NEXN: variants seen among roughly 807,000 people sequenced by gnomAD.
NEXN encodes nexilin F-actin binding protein.
A neutral mutation model predicts 92.6 loss-of-function variants in NEXN; 65 were observed. The observed-to-expected ratio is 0.70, with a 90% CI of 0.57 to 0.86. The LOEUF is 0.86. NEXN is among the 40% of genes least tolerant of loss of function. The pLI, the probability that NEXN is intolerant of heterozygous loss-of-function variation, is 0.00. For synonymous variants in NEXN, 254 were observed against 242.5 expected (o/e 1.05, Z -0.44); for missense variants, 778 against 771.1 (o/e 1.01, Z -0.11).
intron 6 of NEXN, 119 bp from the exon 7 acceptor site, chr1:77,926,294 AT>A (rs746954586): frequency 2.3e-5 from 15 of 654,234 alleles, no homozygotes; most frequent in Non-Finnish European, 3.5e-5. Context: ...CTGTAAAAAA[AT>A]GTTCTTCATA....
At chr1:77,918,335 C>A in intron 5 of NEXN, 62 bp downstream of exon 5, 1 of 1,494,636 alleles carries the variant, frequency 6.7e-7, no homozygotes, top group Non-Finnish European at 9.3e-7. Context: ...TAAAACTAAT[C>A]AGTATGTTGC....
chr1:77,920,974 T>C (rs1649376636), intron 5 of NEXN, among the ~76,000 whole-genome samples: 1 of 152,230 alleles, frequency 6.6e-6, no homozygotes, highest in African/African-American at 2.4e-5. Flanking sequence ...GTGAATATAC[T>C]GACACCATGG....
intron 6 of NEXN, 147 bp downstream of exon 6, chr1:77,925,376 A>G: frequency 1.5e-6 from 1 of 688,920 alleles, no homozygotes; most frequent in Non-Finnish European, 2.5e-6. Flanking sequence ...GCAAAGCAAG[A>G]GCATACTTTT....
intron 9 of NEXN, among the ~76,000 whole-genome samples, chr1:77,931,412 CAAAAAAAAAAAAAAAAAA>C (rs138490881): frequency 5.2e-5 from 3 of 57,568 alleles, no homozygotes; most frequent in African/African-American, 7.4e-5. Context: ...GACTCCGTCT[CAAAAAAAAAAAAAAAAAA>C]AAAAAAAAAA....
At chr1:77,934,012 T>TTTTTAA (rs1491326561) in intron 10 of NEXN, among the ~76,000 whole-genome samples, 1 of 4,270 alleles carries the variant, frequency 2.3e-4, no homozygotes, top group Non-Finnish European at 6.9e-4. Context: ...TAATTTTTAA[T>TTTTTAA]TTTTTTTTTT....
intron 1 of NEXN, among the ~76,000 whole-genome samples, chr1:77,892,975 T>A (rs1294821510): frequency 6.6e-6 from 1 of 151,752 alleles, no homozygotes; most frequent in Non-Finnish European, 1.5e-5. Context: ...CAAGTGATCC[T>A]CCTACCTCAG....
intron 1 of NEXN, among the ~76,000 whole-genome samples, chr1:77,892,909 C>T (rs1034444412): frequency 2.6e-5 from 4 of 151,330 alleles, no homozygotes; most frequent in African/African-American, 9.7e-5. Context: ...CTTTGTCACC[C>T]AGGCTAGAGT....
intron 1 of NEXN, among the ~76,000 whole-genome samples, chr1:77,900,476 G>A (rs534344657): frequency 2.8e-4 from 42 of 151,890 alleles, no homozygotes; most frequent in Non-Finnish European, 5.3e-4. Flanking sequence ...TATTTGTTTC[G>A]TATCCCATTG....
At chr1:77,934,301 G>A (rs997600414) in intron 10 of NEXN, among the ~76,000 whole-genome samples, 3 of 152,054 alleles carry the variant, frequency 2.0e-5, no homozygotes, top group South Asian at 4.2e-4. Context: ...ATGAGCCACC[G>A]CACCCGGCCT....
intron 1 of NEXN, among the ~76,000 whole-genome samples, chr1:77,894,079 C>T (rs1301876572): frequency 2.0e-5 from 3 of 152,022 alleles, no homozygotes; most frequent in Non-Finnish European, 2.9e-5. Flanking sequence ...CCACGTTGGC[C>T]TCCCAAAGTG....
chr1:77,926,953 G>T, intron 8 of NEXN, 61 bp downstream of exon 8: 1 of 1,587,976 alleles, frequency 6.3e-7, no homozygotes, highest in Non-Finnish European at 8.6e-7. Context: ...CTTAAGATAA[G>T]GTTTACTACT....
chr1:77,927,704 TA>T (rs1649974727), intron 8 of NEXN, among the ~76,000 whole-genome samples: 1 of 152,054 alleles, frequency 6.6e-6, no homozygotes, highest in Non-Finnish European at 1.5e-5. Context: ...ACTAACTGTG[TA>T]ACCATGGACA....
chr1:77,942,487 A>C lies in NEXN; in HGVS notation c.1686A>C (p.Glu562Asp). The C allele has an allele frequency of 6.2e-7, 1 of 1,613,912 alleles. No individual in the cohort carries two copies. Reference protein sequence around the residue: ...QKKREEEEEEEGSIMNGSTAE... With the variant: ...QKKREEEEEEDGSIMNGSTAE... ...AAAGAGAAGAGGAGGAGGAGGAAGA[A>C]GGTAGCATCATGAATGGCTCCACTG... The change falls in exon 13 of 13, where the codon GAA becomes GAC. Residue 562 changes from glutamate (E) to aspartate (D), a missense_variant. By Grantham distance (45) the Glu-to-Asp change is conservative. Transcript: ENST00000334785.
chr1:77,923,787 C>A (rs1649631132), intron 5 of NEXN, among the ~76,000 whole-genome samples: 1 of 151,130 alleles, frequency 6.6e-6, no homozygotes, highest in East Asian at 2.0e-4. Flanking sequence ...ACACGATTCT[C>A]CTGCACCAGC....
intron 1 of NEXN, among the ~76,000 whole-genome samples, chr1:77,902,887 T>C (rs1647830932): frequency 6.6e-6 from 1 of 152,166 alleles, no homozygotes; most frequent in African/African-American, 2.4e-5. Context: ...CCATTTCCAT[T>C]ATAATTAGTT....
At chr1:77,898,646 C>A (rs909359296) in intron 1 of NEXN, among the ~76,000 whole-genome samples, 2 of 152,058 alleles carry the variant, frequency 1.3e-5, no homozygotes, top group Admixed American at 6.6e-5. Flanking sequence ...GCAACAAAAG[C>A]CAAAATTGAC....
At chr1:77,902,707 T>C (rs548845510) in intron 1 of NEXN, among the ~76,000 whole-genome samples, 2 of 152,198 alleles carry the variant, frequency 1.3e-5, no homozygotes, top group South Asian at 4.1e-4. Flanking sequence ...TTTTCCATAA[T>C]AAAAAAGTAA....
intron 6 of NEXN, among the ~76,000 whole-genome samples, chr1:77,925,897 T>C (rs1649802673): frequency 6.6e-6 from 1 of 151,910 alleles, no homozygotes. Context: ...TTTAATACAA[T>C]CAAATACCAG....
rs148815944 is a variant in NEXN at position 77,890,896 on chromosome 1, C to CCA, written c.-53+2148_-53+2149dup. Among the ~76,000 whole-genome samples the CCA allele has an allele frequency of 3.9e-4, 59 of 151,854 alleles. 1 individual carries two copies. The East Asian group carries it at 0.011, about 28-fold the overall frequency. On this transcript the variant is annotated intron_variant, in intron 1 of 12. Coordinates refer to ENST00000334785, the MANE Select transcript of NEXN (RefSeq NM_144573.4). Reference sequence around the variant, plus strand: ...GACTGTTATTTTATAGTTATGTAGGCCACACACACACAGAACATCTTGGTA... The same window carrying CCA: ...GACTGTTATTTTATAGTTATGTAGGCCACACACACACACAGAACATCTTGGTA...
Sources: allele counts gnomAD v4.1 joint callset (sites outside exome capture counted in the v4.1 genomes callset), GRCh38; gene constraint gnomAD v4.1.1; transcripts MANE v1.5; gene names NCBI Gene and HGNC (gene_info 2026-07-23, HGNC 2026-07-21).